SLC24A2: variants seen among roughly 807,000 people sequenced by gnomAD.
SLC24A2 encodes sodium/potassium/calcium exchanger 2.
A neutral mutation model predicts 62.0 loss-of-function variants in SLC24A2; 36 were observed. The ratio of observed to expected loss-of-function variants is 0.58; its 90% CI spans 0.44 to 0.77. SLC24A2 has a LOEUF of 0.77. Among genes scored for constraint, SLC24A2 ranks in the 30% least tolerant of loss-of-function variants. The pLI is 0.00. For missense variants in SLC24A2, 846 were observed against 817.9 expected, an observed-to-expected ratio of 1.03 and a Z score of -0.42; for synonymous variants, 358 against 294.0, an observed-to-expected ratio of 1.22 and a Z score of -2.23.
the SLC24A2 span, among the ~76,000 whole-genome samples, chr9:19,960,067 T>G: frequency 1.1e-4 from 17 of 152,246 alleles, no homozygotes; most frequent in African/African-American, 4.1e-4. Context: ...GTGTGTCCGT[T>G]GAGGATAAGC....
chr9:20,266,541 A>AT, the SLC24A2 span, among the ~76,000 whole-genome samples: 1,535 of 148,078 alleles, frequency 0.01, 24 homozygotes, highest in East Asian at 0.04. Context: ...GACCTCAGTA[A>AT]TTTTTTTTTT....
At chr9:20,171,743 GA>G in the SLC24A2 span, among the ~76,000 whole-genome samples, 1 of 151,752 alleles carries the variant, frequency 6.6e-6, no homozygotes, top group East Asian at 1.9e-4. Flanking sequence ...CCTAAGAAAT[GA>G]GCTAGCAACA....
At chr9:19,553,895 C>T (rs1042371858) in intron 7 of SLC24A2, among the ~76,000 whole-genome samples, 1 of 152,310 alleles carries the variant, frequency 6.6e-6, no homozygotes, top group African/African-American at 2.4e-5. Flanking sequence ...GCTTGTCTTC[C>T]CGTATCTATT....
the SLC24A2 span, among the ~76,000 whole-genome samples, chr9:19,881,101 G>C: frequency 3.9e-5 from 6 of 152,260 alleles, no homozygotes; most frequent in Admixed American, 2.0e-4. Flanking sequence ...TAGGCACAAA[G>C]TAGGCATATC....
At chr9:20,114,930 A>G in the SLC24A2 span, among the ~76,000 whole-genome samples, 1 of 152,178 alleles carries the variant, frequency 6.6e-6, no homozygotes, top group Admixed American at 6.6e-5. Context: ...AGACATACAA[A>G]TTTATTAAAA....
At chr9:20,163,037 A>G in the SLC24A2 span, among the ~76,000 whole-genome samples, 2 of 152,194 alleles carry the variant, frequency 1.3e-5, no homozygotes, top group Admixed American at 1.3e-4. Context: ...CCGAATGGGC[A>G]AAAACTGGAA....
intron 2 of SLC24A2, among the ~76,000 whole-genome samples, chr9:19,628,673 C>T (rs1461066967): frequency 6.6e-6 from 1 of 152,140 alleles, no homozygotes; most frequent in Non-Finnish European, 1.5e-5. Flanking sequence ...AATATGCAAT[C>T]ATCTATTAAG....
At chr9:19,578,930 T>C (rs1396956569) in intron 5 of SLC24A2, among the ~76,000 whole-genome samples, 2 of 152,146 alleles carry the variant, frequency 1.3e-5, no homozygotes, top group Non-Finnish European at 2.9e-5. Flanking sequence ...GTCTAGGCAA[T>C]GAATGTGCAC....
At chr9:19,564,747 A>G (rs1249834699) in intron 7 of SLC24A2, among the ~76,000 whole-genome samples, 35 of 152,200 alleles carry the variant, frequency 2.3e-4, no homozygotes. Flanking sequence ...AATGTAGGAC[A>G]CAGTTTTTAA....
chr9:19,876,728 G>A, the SLC24A2 span, among the ~76,000 whole-genome samples: 2 of 152,072 alleles, frequency 1.3e-5, no homozygotes, highest in Admixed American at 6.6e-5. Flanking sequence ...ATAGCCATGG[G>A]AAAAGTTAAT....
intron 2 of SLC24A2, among the ~76,000 whole-genome samples, chr9:19,675,897 T>G (rs1348402432): frequency 1.3e-5 from 2 of 152,136 alleles, no homozygotes; most frequent in Non-Finnish European, 2.9e-5. Context: ...TTGGTCAAAA[T>G]TGTTACAAAG....
At chr9:19,792,096 T>A (rs1024045574), upstream of SLC24A2, among the ~76,000 whole-genome samples, 6 of 152,172 alleles carry the variant, frequency 3.9e-5, no homozygotes, top group African/African-American at 1.2e-4. Flanking sequence ...TGCTAGTTAA[T>A]AGTTTTGCTA....
At chr9:19,585,891 A>C (rs1836357230) in intron 5 of SLC24A2, among the ~76,000 whole-genome samples, 1 of 152,170 alleles carries the variant, frequency 6.6e-6, no homozygotes, top group Non-Finnish European at 1.5e-5. Flanking sequence ...GCCACCCATA[A>C]AGGATGGATC....
At chr9:19,769,201 ATCTCAGTG>A (rs988976317) in intron 2 of SLC24A2, among the ~76,000 whole-genome samples, 7 of 152,304 alleles carry the variant, frequency 4.6e-5, no homozygotes, top group Middle Eastern at 3.4e-3. Context: ...AGGACAAAAA[ATCTCAGTG>A]TCACCCTCGA....
At chr9:19,773,388 A>C (rs1040660877) in intron 2 of SLC24A2, among the ~76,000 whole-genome samples, 1 of 152,206 alleles carries the variant, frequency 6.6e-6, no homozygotes, top group African/African-American at 2.4e-5. Context: ...AAAGAGAACT[A>C]TTTTGGGCCA....
the SLC24A2 span, among the ~76,000 whole-genome samples, chr9:20,095,644 T>G: frequency 1.3e-5 from 2 of 152,280 alleles, no homozygotes; most frequent in Admixed American, 1.3e-4. Context: ...ACCTTAGGAC[T>G]TACCCATTTC....
At chr9:20,096,929 G>A in the SLC24A2 span, among the ~76,000 whole-genome samples, 6 of 152,068 alleles carry the variant, frequency 3.9e-5, no homozygotes, top group African/African-American at 1.4e-4. Context: ...ATCTACACTT[G>A]GAAGGCAGAA....
chr9:19,682,005 G>A (rs1334227481), intron 2 of SLC24A2, among the ~76,000 whole-genome samples: 1 of 152,148 alleles, frequency 6.6e-6, no homozygotes, highest in African/African-American at 2.4e-5. Context: ...CAGGGTGATT[G>A]ATCGTCCTTT....
At chr9:19,575,718 G>T (rs1835990224) in intron 6 of SLC24A2, among the ~76,000 whole-genome samples, 1 of 152,100 alleles carries the variant, frequency 6.6e-6, no homozygotes, top group Admixed American at 6.6e-5. Flanking sequence ...TCTAAGGTTG[G>T]CCAGTCATTA....
Sources: allele counts gnomAD v4.1 joint callset (sites outside exome capture counted in the v4.1 genomes callset), GRCh38; gene constraint gnomAD v4.1.1; transcripts MANE v1.5; gene names NCBI Gene and HGNC (gene_info 2026-07-23, HGNC 2026-07-21).